BPIFC: variants seen among roughly 807,000 people sequenced by gnomAD.
BPIFC encodes the protein BPI fold-containing family C protein.
In BPIFC, 60 loss-of-function variants were observed where a neutral mutation model predicts 57.6. The ratio of observed to expected loss-of-function variants is 1.04; its 90% CI spans 0.85 to 1.29. BPIFC has a LOEUF of 1.29. Ranked by LOEUF, BPIFC falls within the 50% of genes most tolerant of loss-of-function variation. The pLI is 0.00. For missense variants in BPIFC, 581 were observed against 600.5 expected (o/e 0.97, Z 0.34); for synonymous variants, 243 against 224.5 (o/e 1.08, Z -0.74).
chr22:32,458,469 C>T (rs532499088), intron 2 of BPIFC, among the ~76,000 whole-genome samples: 1 of 152,288 alleles, frequency 6.6e-6, no homozygotes, highest in South Asian at 2.1e-4. Context: ...TTATTTTCTC[C>T]AAAGCACTTA....
At chr22:32,443,159 G>A (rs1233336176) in intron 7 of BPIFC, among the ~76,000 whole-genome samples, 6 of 150,390 alleles carry the variant, frequency 4.0e-5, no homozygotes, top group Non-Finnish European at 8.9e-5. Context: ...GTTAGAGCTG[G>A]AGCTTTTTTT....
chr22:32,458,986 C>T (rs1016607852), intron 2 of BPIFC, among the ~76,000 whole-genome samples: 1 of 152,200 alleles, frequency 6.6e-6, no homozygotes, highest in African/African-American at 2.4e-5. Context: ...TTAATGGCAT[C>T]CCATTTTCTT....
intron 11 of BPIFC, among the ~76,000 whole-genome samples, chr22:32,433,134 C>T (rs1234149025): frequency 2.0e-5 from 3 of 152,122 alleles, no homozygotes; most frequent in Non-Finnish European, 2.9e-5. Context: ...GCAGGGGAGG[C>T]GGATATTGCA....
At chr22:32,432,654 T>A in intron 11 of BPIFC, 111 bp from the exon 12 acceptor site, 3 of 1,049,138 alleles carry the variant, frequency 2.9e-6, no homozygotes, top group Admixed American at 2.7e-5. Context: ...GCAGTTAGAA[T>A]AGAAAAAAAG....
At chr22:32,437,972 C>T (rs1934457499) in intron 8 of BPIFC, 121 bp from the exon 9 acceptor site, 1 of 582,788 alleles carries the variant, frequency 1.7e-6, no homozygotes, top group Non-Finnish European at 2.9e-6. Context: ...TCAATTCCTG[C>T]TTTTCAGAAG....
chr22:32,415,506 C>A (rs924176339), intron 16 of BPIFC, among the ~76,000 whole-genome samples: 2 of 152,210 alleles, frequency 1.3e-5, no homozygotes, highest in African/African-American at 4.8e-5. Context: ...AGTCTTCTGA[C>A]TGGGAGAATC....
At chr22:32,462,008 A>G (rs1935170014) in intron 1 of BPIFC, among the ~76,000 whole-genome samples, 1 of 151,872 alleles carries the variant, frequency 6.6e-6, no homozygotes, top group Non-Finnish European at 1.5e-5. Flanking sequence ...TGTCTCTACT[A>G]AAAATACAAA....
chr22:32,436,739 G>A (rs1934414100), intron 9 of BPIFC, among the ~76,000 whole-genome samples: 1 of 152,212 alleles, frequency 6.6e-6, no homozygotes, highest in Admixed American at 6.5e-5. Context: ...TCAAACACTT[G>A]ACCTTCAAAA....
At chr22:32,452,554 G>A (rs2145961107) in intron 4 of BPIFC, among the ~76,000 whole-genome samples, 1 of 151,704 alleles carries the variant, frequency 6.6e-6, no homozygotes, top group Non-Finnish European at 1.5e-5. Context: ...CAGGAGAATG[G>A]CATGAACCTG....
At chr22:32,445,207 C>G (rs1199016024) in intron 7 of BPIFC, among the ~76,000 whole-genome samples, 2 of 152,132 alleles carry the variant, frequency 1.3e-5, no homozygotes, top group African/African-American at 4.8e-5. Context: ...GCCTAGCACA[C>G]AGTAGATGCT....
chr22:32,449,870 G>T (rs1276961002), intron 4 of BPIFC, among the ~76,000 whole-genome samples: 1 of 151,866 alleles, frequency 6.6e-6, no homozygotes, highest in Non-Finnish European at 1.5e-5. Flanking sequence ...GAGTAGCTGG[G>T]ACTATAGGCG....
chr22:32,423,621 T>C (rs1933912568), intron 13 of BPIFC, among the ~76,000 whole-genome samples: 1 of 137,174 alleles, frequency 7.3e-6, no homozygotes, highest in East Asian at 2.1e-4. Flanking sequence ...GGATGTGTGT[T>C]GATGGTGGAG....
rs142948612 is a variant in BPIFC at position 32,445,873 on chromosome 22, G to C, written c.498C>G (p.Ser166Arg). 52 of 1,614,008 alleles carry C rather than the reference G, an allele frequency of 3.2e-5. No individual in the cohort carries two copies. The African/African-American group carries it at 6.5e-4, about 20-fold the overall frequency. Reference protein sequence around the residue: ...LKLQDCYAQLSHAHVSFSGEL... With the variant: ...LKLQDCYAQLRHAHVSFSGEL... The stretch of plus-strand genomic sequence containing the variant: ...CTCCGGAAAATGAGACGTGGGCATG[G>C]CTCAGTTGGGCGTAGCAATCTTGGA... The change falls in exon 6 of 17, where the codon AGC becomes AGG. Residue 166 changes from serine to arginine, a missense_variant. Coordinates refer to ENST00000300399, the MANE Select transcript of BPIFC (RefSeq NM_174932.3).
Position 32,437,810 on chromosome 22 carries a change from G to A in BPIFC, c.697C>T (p.Leu233=), listed in dbSNP as rs1378831846. The A allele has an allele frequency of 6.2e-7, 1 of 1,612,430 alleles. No homozygotes were observed. The highest frequency in any genetic ancestry group is 2.2e-5 in the East Asian group (1 of 44,894). Residue 233 remains leucine, a synonymous_variant, in exon 9 of 17, where the codon CTA becomes TTA. Transcript: ENST00000300399. ...TCAGTAATTTCTGGAGAACTGATTA[G>A]GGAGTAATCCAGCAGAGTGTAGTTG... ...IDNYTLLDYS[L]ISSPEITENY...
At chr22:32,449,438 T>C (rs184441743) in intron 4 of BPIFC, among the ~76,000 whole-genome samples, 29 of 152,360 alleles carry the variant, frequency 1.9e-4, no homozygotes, top group Admixed American at 1.4e-3. Context: ...TTGCTAATAA[T>C]ATTTCCTCTT....
intron 4 of BPIFC, among the ~76,000 whole-genome samples, chr22:32,448,864 G>A (rs896555881): frequency 8.6e-6 from 1 of 116,540 alleles, no homozygotes; most frequent in Non-Finnish European, 2.0e-5. Flanking sequence ...CTTGAACCCA[G>A]GAGTGGAGGC....
intron 13 of BPIFC, among the ~76,000 whole-genome samples, chr22:32,430,550 T>A (rs527561691): frequency 2.8e-5 from 4 of 144,274 alleles, no homozygotes; most frequent in African/African-American, 1.1e-4. Flanking sequence ...AAATGTTTTA[T>A]ATAAATATAA....
intron 16 of BPIFC, 106 bp downstream of exon 16, chr22:32,415,809 G>T (rs1205658229): frequency 1.5e-5 from 11 of 731,614 alleles, no homozygotes; most frequent in Non-Finnish European, 2.3e-5. Flanking sequence ...AAAAAGCAAA[G>T]CAGGACAAAA....
At chr22:32,447,730 C>CA (rs1328158044) in intron 4 of BPIFC, among the ~76,000 whole-genome samples, 2 of 151,542 alleles carry the variant, frequency 1.3e-5, no homozygotes, top group African/African-American at 2.4e-5. Flanking sequence ...CTCAGCTTTC[C>CA]AAACAGCTGG....
Sources: allele counts gnomAD v4.1 joint callset (sites outside exome capture counted in the v4.1 genomes callset), GRCh38; gene constraint gnomAD v4.1.1; transcripts MANE v1.5; gene names NCBI Gene and HGNC (gene_info 2026-07-23, HGNC 2026-07-21).